Variants in DCX observed in about 807,000 individuals in gnomAD.
DCX encodes the protein doublecortin.
A neutral mutation model predicts 20.9 loss-of-function variants in DCX; 4 were observed. That is an observed-to-expected ratio of 0.19 (90% CI 0.09 to 0.44). The LOEUF is 0.44. Among genes scored for constraint, DCX ranks in the 20% least tolerant of loss-of-function variants. The probability of loss-of-function intolerance (pLI) is 0.99; values close to 1 mark genes in which losing one functional copy is unlikely to be tolerated. For synonymous variants in DCX, 103 were observed against 111.4 expected (o/e 0.92, Z 0.47); for missense variants, 133 against 296.9 (o/e 0.45, Z 4.06).
rs1310355362 is a variant in DCX, at chrX:111,342,381, A to C, written c.706-9228T>G. ...TATATATATATATATATATATATATATCCATCCAATACAGGAGCATCCATA... is the reference window on the plus strand; with the variant it reads ...TATATATATATATATATATATATATCTCCATCCAATACAGGAGCATCCATA... On this transcript the variant is annotated intron_variant, in intron 3 of 6. Coordinates refer to ENST00000636035, the MANE Select transcript of DCX (RefSeq NM_001195553.2). 1.6e-4 allele frequency among the ~76,000 whole-genome samples: 12 copies of C among 73,382 alleles called. No individual in the cohort carries two copies. In the South Asian group the frequency reaches 3.1e-3, roughly 19 times the overall value. 63.7% of individuals were successfully genotyped at this position (73,382 alleles called of 115,157 possible).
At chrX:111,326,457 C>T (rs2095099695) in intron 5 of DCX, among the ~76,000 whole-genome samples, 2 of 111,833 alleles carry the variant, frequency 1.8e-5, no homozygotes, top group African/African-American at 6.5e-5. Flanking sequence ...TGAAGCCAGG[C>T]TTACCTTCGC....
intron 6 of DCX, among the ~76,000 whole-genome samples, chrX:111,310,274 A>G (rs1437542201): frequency 2.7e-5 from 3 of 111,509 alleles, no homozygotes; most frequent in Non-Finnish European, 5.7e-5. Flanking sequence ...CGGAGCTTGC[A>G]GTGAGCCGAG....
Position 111,295,519 on chromosome X carries a change from T to C in DCX, c.*6168A>G, listed in dbSNP as rs2147558112. 1 of 112,352 alleles carries C rather than the reference T, an allele frequency of 8.9e-6. No homozygotes were observed. The highest frequency in any genetic ancestry group is 9.5e-5 in the Admixed American group (1 of 10,531). 9.3% of individuals were successfully genotyped at this position (112,352 alleles called of 1,213,427 possible). A position where few individuals can be genotyped will look rare whatever the true frequency, so the allele number is the denominator to read the frequency against. ...AACAAGATTATTATAGAGAGTTTAATGTGTAATGGTAAAACTTTAAGCAAT... is the reference window on the plus strand; with the variant it reads ...AACAAGATTATTATAGAGAGTTTAACGTGTAATGGTAAAACTTTAAGCAAT... On this transcript the variant is annotated 3_prime_UTR_variant, in exon 7 of 7. Coordinates refer to ENST00000636035, the MANE Select transcript of DCX (RefSeq NM_001195553.2).
At chrX:111,335,202 CCT>C (rs756987341) in intron 3 of DCX, among the ~76,000 whole-genome samples, 1 of 112,012 alleles carries the variant, frequency 8.9e-6, no homozygotes, top group East Asian at 2.8e-4. Flanking sequence ...TGTGAGTGTC[CCT>C]CTGTTAGTGG....
chrX:111,357,361 G>C (rs1340179591), intron 3 of DCX, among the ~76,000 whole-genome samples: 1 of 111,926 alleles, frequency 8.9e-6, no homozygotes, highest in East Asian at 2.8e-4. Context: ...TATGTTCTTT[G>C]GTTCCTTAGG....
intron 3 of DCX, among the ~76,000 whole-genome samples, chrX:111,389,717 A>G (rs1016010965): frequency 1.8e-5 from 2 of 111,257 alleles, no homozygotes; most frequent in African/African-American, 3.3e-5. Flanking sequence ...GATTCTGTCA[A>G]TACATAAATA....
At chrX:111,355,711 A>G (rs1442456786) in intron 3 of DCX, among the ~76,000 whole-genome samples, 1 of 111,478 alleles carries the variant, frequency 9.0e-6, no homozygotes, top group Non-Finnish European at 1.9e-5. Flanking sequence ...AGCCAAGAGA[A>G]GGGGAAAGGA....
At chrX:111,345,374 A>G (rs1352926408) in intron 3 of DCX, among the ~76,000 whole-genome samples, 3 of 112,279 alleles carry the variant, frequency 2.7e-5, no homozygotes, top group Admixed American at 9.4e-5. Context: ...AATTGCAACA[A>G]AAGCCAAAAA....
rs745588790 is a variant in DCX at position 111,349,092 on chromosome X, T to G, written c.706-15939A>C. On this transcript the variant is annotated intron_variant, in intron 3 of 6. Transcript: ENST00000636035. ...GTCTTCTCCCTAGAAAAAATGCATA[T>G]ATGCCCATAGATAGCTAGTTTTCTA... is the stretch of plus-strand genomic sequence containing the variant. Among the ~76,000 whole-genome samples, 8 of 111,282 alleles carry G rather than the reference T, an allele frequency of 7.2e-5. No individual in the cohort carries two copies. The South Asian group carries it at 3.1e-3, about 43-fold the overall frequency.
Position 111,314,080 on chromosome X carries a change from T to C in DCX, c.947-1344A>G, listed in dbSNP as rs139347796. 3.0e-3 allele frequency among the ~76,000 whole-genome samples: 340 copies of C among 111,988 alleles called. 3 individuals carry two copies. Among genetic ancestry groups the C allele is most frequent in the African/African-American group, 0.011 (324 of 30,829 alleles). On this transcript the variant is annotated intron_variant, in intron 5 of 6. Transcript: ENST00000636035. ...CCACTTATGGAAATATTTCCCTAGGTTCTGGAACATGCACATCAACTGTAG... is the reference window on the plus strand; with the variant it reads ...CCACTTATGGAAATATTTCCCTAGGCTCTGGAACATGCACATCAACTGTAG...
intron 3 of DCX, among the ~76,000 whole-genome samples, chrX:111,366,229 G>C (rs1924623029): frequency 9.0e-6 from 1 of 111,639 alleles, no homozygotes; most frequent in Admixed American, 9.5e-5. Context: ...TCTTTTCCTA[G>C]TTGGTTGGGG....
At chrX:111,316,079 TAAAAAATA>T (rs1344346396) in intron 5 of DCX, among the ~76,000 whole-genome samples, 6 of 23,993 alleles carry the variant, frequency 2.5e-4, no homozygotes, top group Non-Finnish European at 4.9e-4. Context: ...TAGAGTATAA[TAAAAAATA>T]AAAAAAAAAA....
At chrX:111,395,866 G>T (rs148156427) in intron 3 of DCX, among the ~76,000 whole-genome samples, 141 of 112,350 alleles carry the variant, frequency 1.3e-3, no homozygotes, top group Middle Eastern at 9.3e-3. Context: ...AGAGAGGTTG[G>T]CTCTGAGAGA....
intron 5 of DCX, among the ~76,000 whole-genome samples, chrX:111,316,093 A>T (rs866479471): frequency 0.046 from 4,585 of 100,615 alleles, 254 homozygotes; most frequent in African/African-American, 0.12. Context: ...AAATAAAAAA[A>T]AAAAAAAAAA....
chrX:111,405,481 A>T (rs947563249), intron 2 of DCX, among the ~76,000 whole-genome samples: 5 of 111,268 alleles, frequency 4.5e-5, no homozygotes, highest in Admixed American at 9.6e-5. Context: ...CAGTGTGACT[A>T]CACAGCTCGG....
chrX:111,397,713 T>C (rs1390928111), intron 3 of DCX, among the ~76,000 whole-genome samples: 2 of 111,946 alleles, frequency 1.8e-5, no homozygotes, highest in Non-Finnish European at 3.8e-5. Flanking sequence ...AGTTCTTAAT[T>C]ATCAGTGTTT....
Position 111,301,429 on chromosome X carries a change from A to G in DCX, c.*258T>C. The stretch of plus-strand genomic sequence containing the variant: ...CCATTGAAAGGTCATGGACTAGCAC[A>G]TTTTGCATCCCTGGAATGCTGCCCC... On this transcript the variant is annotated 3_prime_UTR_variant, in exon 7 of 7. Transcript: ENST00000636035. 2.4e-6 allele frequency: 1 copy of G among 420,226 alleles called. No individual in the cohort carries two copies. The highest frequency in any genetic ancestry group is 4.2e-6 in the Non-Finnish European group (1 of 237,612). The allele number at this position is 420,226 out of a possible 1,213,427, so 34.6% of individuals were successfully genotyped here. A position where few individuals can be genotyped will look rare whatever the true frequency, so the allele number is the denominator to read the frequency against.
At chrX:111,385,746 GGAGA>G (rs749082267) in intron 3 of DCX, among the ~76,000 whole-genome samples, 14 of 95,096 alleles carry the variant, frequency 1.5e-4, no homozygotes, top group Middle Eastern at 5.6e-3. Flanking sequence ...AGGAAGGAAG[GGAGA>G]AAGAGAGAGG....
At chrX:111,393,311 T>G (rs906519598) in intron 3 of DCX, among the ~76,000 whole-genome samples, 1 of 111,691 alleles carries the variant, frequency 9.0e-6, no homozygotes, top group African/African-American at 3.2e-5. Flanking sequence ...ACTCTTATCC[T>G]GTACACAAAA....
Sources: gnomAD v4.1 joint callset for allele counts (sites outside exome capture counted in the v4.1 genomes callset) on GRCh38, gnomAD v4.1.1 for gene constraint, MANE v1.5 for transcripts, NCBI Gene and HGNC (gene_info 2026-07-23, HGNC 2026-07-21) for gene names.